Variants in CCDC171 observed in about 807,000 individuals in gnomAD.
The protein encoded by CCDC171 is coiled-coil domain containing 171.
Under a neutral mutation model 168.2 loss-of-function variants are expected in CCDC171, and 177 were observed. The observed-to-expected ratio is 1.05, with a 90% CI of 0.93 to 1.19. The LOEUF (loss-of-function observed/expected upper bound fraction) is 1.19. Among genes scored for constraint, CCDC171 ranks in the 50% most tolerant of loss-of-function variants. CCDC171 has a pLI of 0.00. For missense variants in CCDC171, 1,991 were observed against 1,539.0 expected, an observed-to-expected ratio of 1.29 and a Z score of -4.91; for synonymous variants, 687 against 540.8, an observed-to-expected ratio of 1.27 and a Z score of -3.75.
intron 6 of CCDC171, among the ~76,000 whole-genome samples, chr9:15,610,444 T>TA (rs754593075): frequency 0.031 from 390 of 12,718 alleles, 131 homozygotes; most frequent in Non-Finnish European, 0.04. Flanking sequence ...CCATCTCAAC[T>TA]AAAAAAAAAA....
chr9:16,030,255 G>C (rs577836731), intron 6 of CCDC171, among the ~76,000 whole-genome samples: 5 of 152,202 alleles, frequency 3.3e-5, no homozygotes, highest in Non-Finnish European at 7.4e-5. Context: ...TATATATCTA[G>C]TAGTGGTAGC....
intron 7 of CCDC171, among the ~76,000 whole-genome samples, chr9:15,626,926 G>T (rs1313515913): frequency 2.0e-5 from 3 of 152,114 alleles, no homozygotes; most frequent in Non-Finnish European, 4.4e-5. Context: ...GTAGAATTTG[G>T]TTGTGAATCC....
intron 21 of CCDC171, among the ~76,000 whole-genome samples, chr9:15,790,435 A>T (rs2058195988): frequency 6.6e-6 from 1 of 151,980 alleles, no homozygotes; most frequent in African/African-American, 2.4e-5. Flanking sequence ...CCACTTTTTG[A>T]TGCGGTTGTT....
intron 1 of CCDC171, among the ~76,000 whole-genome samples, chr9:15,558,417 T>G (rs1427672785): frequency 6.6e-6 from 1 of 152,170 alleles, no homozygotes; most frequent in African/African-American, 2.4e-5. Context: ...CAGAACCTGT[T>G]ATTGGTCTTT....
chr9:16,056,506 G>A (rs190246095), intron 1 of CCDC171, among the ~76,000 whole-genome samples: 1 of 152,192 alleles, frequency 6.6e-6, no homozygotes, highest in Non-Finnish European at 1.5e-5. Context: ...TTTTGTTTTC[G>A]AGATGGAGTC....
At chr9:15,572,475 T>C (rs2040311337) in intron 3 of CCDC171, among the ~76,000 whole-genome samples, 1 of 152,192 alleles carries the variant, frequency 6.6e-6, no homozygotes, top group African/African-American at 2.4e-5. Context: ...CTGTACACCA[T>C]TGGTTTCTCA....
At chr9:15,944,836 T>TCTTTCTTTCTCTC (rs57665767) in intron 25 of CCDC171, among the ~76,000 whole-genome samples, 1 of 129,852 alleles carries the variant, frequency 7.7e-6, no homozygotes. Flanking sequence ...TTTCTTTCTT[T>TCTTTCTTTCTCTC]TTTCTTTCTT....
chr9:15,890,700 A>C (rs1038145177), intron 24 of CCDC171, among the ~76,000 whole-genome samples: 1 of 152,202 alleles, frequency 6.6e-6, no homozygotes, highest in Non-Finnish European at 1.5e-5. Context: ...CTTAAAACAA[A>C]ATGGCTATTT....
Position 15,686,432 on chromosome 9 carries a change from G to T in CCDC171, c.1215+7536G>T, listed in dbSNP as rs187030443. ...ATAATATATGTATCGGGAGAATGGC[G>T]TGAACCCGGGAGGCAGAGCTTGTAG... On this transcript the variant is annotated intron_variant, in intron 10 of 25. Transcript: ENST00000380701. Among the ~76,000 whole-genome samples, 4 of 151,926 alleles carry T rather than the reference G, an allele frequency of 2.6e-5. No individual in the cohort carries two copies. In the East Asian group the frequency reaches 7.7e-4, roughly 29 times the overall value.
intron 3 of CCDC171, among the ~76,000 whole-genome samples, chr9:16,001,961 C>T (rs558888168): frequency 1.5e-4 from 23 of 151,402 alleles, no homozygotes; most frequent in South Asian, 1.0e-3. Context: ...CCTCAGCCTC[C>T]GAGTAGCTGG....
chr9:15,932,599 G>A (rs1826658695), intron 25 of CCDC171, among the ~76,000 whole-genome samples: 1 of 151,708 alleles, frequency 6.6e-6, no homozygotes, highest in Non-Finnish European at 1.5e-5. Flanking sequence ...GATACCTTTT[G>A]TTTCTTTCTC....
At chr9:15,657,073 A>G (rs1297053770) in intron 7 of CCDC171, 54 bp from the exon 8 acceptor site, 3 of 1,014,300 alleles carry the variant, frequency 3.0e-6, no homozygotes, top group African/African-American at 3.2e-5. Flanking sequence ...GTAGTGATCC[A>G]TATCTTCTTT....
Position 15,785,163 on chromosome 9 carries a change from A to G in CCDC171, c.3267+469A>G, listed in dbSNP as rs112794675. Among the ~76,000 whole-genome samples, 39 of 152,188 alleles carry G rather than the reference A, an allele frequency of 2.6e-4. 1 individual carries two copies. Among genetic ancestry groups the G allele is most frequent in the African/African-American group, 8.9e-4 (37 of 41,558 alleles). ...TAGAAAGAGTTGTTCTCTCTGTCAT[A>G]TATTTGTGGTAAAGGTATTTCAAAG... On this transcript the variant is annotated intron_variant, in intron 21 of 25. Coordinates refer to ENST00000380701, the MANE Select transcript of CCDC171 (RefSeq NM_173550.4).
chr9:15,966,508 T>G (rs959608638), intron 25 of CCDC171, among the ~76,000 whole-genome samples: 5 of 152,180 alleles, frequency 3.3e-5, no homozygotes, highest in Non-Finnish European at 5.9e-5. Flanking sequence ...TAGCCAAGGC[T>G]GAATTAGAAC....
At chr9:16,032,002 GCCAAACGGGC>G (rs1219561320) in intron 6 of CCDC171, among the ~76,000 whole-genome samples, 11 of 152,186 alleles carry the variant, frequency 7.2e-5, no homozygotes, top group Admixed American at 5.9e-4. Flanking sequence ...ACAAAATGGT[GCCAAACGGGC>G]CCTGAGAGAA....
At chr9:16,073,525 C>T in the CCDC171 span, among the ~76,000 whole-genome samples, 6 of 152,254 alleles carry the variant, frequency 3.9e-5, no homozygotes, top group Admixed American at 2.0e-4. Flanking sequence ...GTCTCTATTT[C>T]CTGTAAATTT....
chr9:16,056,395 T>C (rs886689542), intron 1 of CCDC171, among the ~76,000 whole-genome samples: 5 of 152,240 alleles, frequency 3.3e-5, no homozygotes, highest in Admixed American at 2.6e-4. Context: ...TTTTTAGTTG[T>C]ACTAAGTAAT....
Position 15,691,546 on chromosome 9 carries a change from TTATA to T in CCDC171, c.1216-3667_1216-3664del, listed in dbSNP as rs55892512. ...AAAAATACCTGTAAATATATGTTTT[TTATA>T]TATATATATATATATATATATGTAC... On this transcript the variant is annotated intron_variant, in intron 10 of 25. Transcript: ENST00000380701. 5.5e-4 allele frequency among the ~76,000 whole-genome samples: 58 copies of T among 106,398 alleles called. 1 individual carries two copies. Among genetic ancestry groups the T allele is most frequent in the African/African-American group, 2.1e-3 (55 of 25,632 alleles). The allele number at this position is 106,398 out of a possible 152,430, so 69.8% of individuals were successfully genotyped here.
At chr9:15,776,293 C>T (rs1034289627) in intron 18 of CCDC171, 3 of 151,984 alleles carry the variant, frequency 2.0e-5, no homozygotes, top group Non-Finnish European at 2.9e-5. Context: ...GCACTTCATC[C>T]GTTATTTATT....
Sources: allele counts gnomAD v4.1 joint callset (sites outside exome capture counted in the v4.1 genomes callset), GRCh38; gene constraint gnomAD v4.1.1; transcripts MANE v1.5; gene names NCBI Gene and HGNC (gene_info 2026-07-23, HGNC 2026-07-21).